Variants in TSNARE1 observed in about 807,000 individuals in gnomAD.
TSNARE1 encodes the protein t-SNARE domain-containing protein 1.
TSNARE1 carries 49 observed loss-of-function variants against 62.0 expected under a neutral mutation model. The observed-to-expected ratio is 0.79, with a 90% confidence interval of 0.63 to 1.00. TSNARE1 has a LOEUF of 1.00. Among genes scored for constraint, TSNARE1 ranks in the 50% least tolerant of loss-of-function variants. The pLI is 0.00. For missense variants in TSNARE1, 755 were observed against 700.1 expected, an observed-to-expected ratio of 1.08 and a Z score of -0.88; for synonymous variants, 328 against 294.4, an observed-to-expected ratio of 1.11 and a Z score of -1.17.
intron 12 of TSNARE1, chr8:142,274,150 G>T: frequency 1.0e-6 from 1 of 985,374 alleles, no homozygotes; most frequent in Non-Finnish European, 1.2e-6. Flanking sequence ...ATCTCTGCCC[G>T]TCAGGGCCAG....
intron 1 of TSNARE1, among the ~76,000 whole-genome samples, chr8:142,388,372 G>A (rs928081581): frequency 2.0e-5 from 3 of 151,854 alleles, no homozygotes; most frequent in African/African-American, 7.3e-5. Context: ...CTACCATCAT[G>A]CTGAAGGATC....
chr8:142,220,115 C>T (rs1453527152), intron 13 of TSNARE1, among the ~76,000 whole-genome samples: 4 of 152,218 alleles, frequency 2.6e-5, no homozygotes, highest in African/African-American at 4.8e-5. Context: ...GTAACAGTAA[C>T]GCAGCCCGCA....
intron 6 of TSNARE1, among the ~76,000 whole-genome samples, chr8:142,321,983 C>A (rs558425592): frequency 6.6e-6 from 1 of 152,222 alleles, no homozygotes; most frequent in African/African-American, 2.4e-5. Context: ...ACAAACCCAG[C>A]AGCAAAAATC....
intron 10 of TSNARE1, among the ~76,000 whole-genome samples, chr8:142,297,969 C>A (rs1825051302): frequency 6.6e-6 from 1 of 152,210 alleles, no homozygotes; most frequent in Non-Finnish European, 1.5e-5. Context: ...CCCCATGCTG[C>A]AGACAAAGAA....
At chr8:142,365,633 C>CAGAGAG (rs56823056) in intron 1 of TSNARE1, among the ~76,000 whole-genome samples, 8 of 138,550 alleles carry the variant, frequency 5.8e-5, no homozygotes, top group Admixed American at 2.8e-4. Context: ...CACACACACA[C>CAGAGAG]AGAGAGAGAG....
chr8:142,288,594 C>A (rs1215098022), intron 10 of TSNARE1, among the ~76,000 whole-genome samples: 1 of 152,266 alleles, frequency 6.6e-6, no homozygotes, highest in Non-Finnish European at 1.5e-5. Context: ...ATGCGGCTGA[C>A]AGGAGCCGGC....
chr8:142,392,889 G>A (rs371294215), intron 1 of TSNARE1, among the ~76,000 whole-genome samples: 11 of 151,110 alleles, frequency 7.3e-5, no homozygotes, highest in African/African-American at 2.7e-4. Context: ...GCGGTGAGCC[G>A]AGATTGCACC....
intron 4 of TSNARE1, among the ~76,000 whole-genome samples, chr8:142,333,609 C>T (rs1397884101): frequency 6.6e-6 from 1 of 152,118 alleles, no homozygotes; most frequent in Non-Finnish European, 1.5e-5. Context: ...AAGGCCCAAG[C>T]CCAGCTCTGC....
chr8:142,362,598 G>A (rs1835248474), intron 1 of TSNARE1, among the ~76,000 whole-genome samples: 1 of 152,238 alleles, frequency 6.6e-6, no homozygotes. Flanking sequence ...GAGATCAAGT[G>A]GGGGCCAGCG....
intron 10 of TSNARE1, among the ~76,000 whole-genome samples, chr8:142,286,649 T>A (rs1286274263): frequency 6.6e-6 from 1 of 152,044 alleles, no homozygotes; most frequent in East Asian, 1.9e-4. Context: ...TCTGCCAGAG[T>A]GAGGTCACGG....
intron 1 of TSNARE1, among the ~76,000 whole-genome samples, chr8:142,378,824 AC>A (rs1836523844): frequency 6.6e-6 from 1 of 152,190 alleles, no homozygotes; most frequent in East Asian, 1.9e-4. Context: ...TCCAACGGGC[AC>A]GGGTGTGTTG....
rs894455969 is a variant in TSNARE1, at chr8:142,291,520, G to A, written c.1291-7035C>T. Among the ~76,000 whole-genome samples, 22 of 148,424 alleles carry A rather than the reference G, an allele frequency of 1.5e-4. No individual in the cohort carries two copies. Among genetic ancestry groups the A allele is most frequent in the Admixed American group, 1.2e-3 (18 of 14,902 alleles). ...ACACACTCACCCAGCCCCCGACCCAGCCCTCCTCCACCCACCCCACCCAGC... is the reference window on the plus strand; with the variant it reads ...ACACACTCACCCAGCCCCCGACCCAACCCTCCTCCACCCACCCCACCCAGC... On this transcript the variant is annotated intron_variant, in intron 10 of 13. Transcript: ENST00000524325. The surrounding 1 kb of genome is among the most constrained non-coding windows in gnomAD (Gnocchi z 4.8).
At chr8:142,324,232 G>A (rs944932767) in intron 6 of TSNARE1, among the ~76,000 whole-genome samples, 1 of 152,170 alleles carries the variant, frequency 6.6e-6, no homozygotes, top group Non-Finnish European at 1.5e-5. Flanking sequence ...GAAGCCCCAC[G>A]ACCGCTTTAC....
intron 13 of TSNARE1, among the ~76,000 whole-genome samples, chr8:142,222,100 C>CTCA (rs1367726263): frequency 3.9e-5 from 1 of 25,540 alleles, no homozygotes; most frequent in Non-Finnish European, 1.0e-4. Flanking sequence ...CACTCATCCA[C>CTCA]TCCACTCACT....
chr8:142,264,210 A>T (rs1170554338), intron 12 of TSNARE1, among the ~76,000 whole-genome samples: 1 of 152,228 alleles, frequency 6.6e-6, no homozygotes, highest in Non-Finnish European at 1.5e-5. Flanking sequence ...CTGTTTTAAA[A>T]TTTCCAAACA....
At chr8:142,329,952 A>G (rs1830774388) in intron 6 of TSNARE1, among the ~76,000 whole-genome samples, 2 of 152,222 alleles carry the variant, frequency 1.3e-5, no homozygotes, top group East Asian at 3.9e-4. Context: ...AGCCGCCGTG[A>G]GGAGGAGCAG....
chr8:142,227,468 C>CA (rs139826134), intron 13 of TSNARE1, among the ~76,000 whole-genome samples: 1,570 of 150,998 alleles, frequency 0.01, 38 homozygotes, highest in African/African-American at 0.036. Flanking sequence ...CCCACAACCA[C>CA]AATGGCAGCC....
intron 12 of TSNARE1, among the ~76,000 whole-genome samples, chr8:142,256,364 CCATCATCACCACCATCATCAT>C (rs1563782798): frequency 3.9e-4 from 50 of 126,660 alleles, no homozygotes; most frequent in Middle Eastern, 4.5e-3. Flanking sequence ...ATTATCACCA[CCATCATCACCACCATCATCAT>C]CACCAATACC....
chr8:142,306,099 C>T (rs1369504410), intron 9 of TSNARE1, among the ~76,000 whole-genome samples: 1 of 152,202 alleles, frequency 6.6e-6, no homozygotes, highest in East Asian at 1.9e-4. Context: ...CCAGATAGCT[C>T]ACTGTTTCCT....
Sources: allele counts gnomAD v4.1 joint callset (sites outside exome capture counted in the v4.1 genomes callset), GRCh38; gene constraint gnomAD v4.1.1; non-coding constraint Gnocchi (gnomAD v3.1); transcripts MANE v1.5; gene names NCBI Gene and HGNC (gene_info 2026-07-23, HGNC 2026-07-21).